ATP6V1E2: variants seen among roughly 807,000 people sequenced by gnomAD.
The protein encoded by ATP6V1E2 is ATPase H+ transporting V1 subunit E2, also known as V-type proton ATPase subunit E 2.
For synonymous variants in ATP6V1E2, 121 were observed against 104.2 expected (o/e 1.16, Z -0.98); for missense variants, 308 against 273.3 (o/e 1.13, Z -0.90).
At chr2:46,529,771 G>GATA (rs147779788) in intron 4 of ATP6V1E2, among the ~76,000 whole-genome samples, 32,861 of 150,526 alleles carry the variant, frequency 0.22, 3,846 homozygotes, top group Admixed American at 0.28. Flanking sequence ...TGATGATGAT[G>GATA]ATGATAATAA....
chr2:46,518,262 G>T lies in ATP6V1E2; in HGVS notation c.-101-5450C>A, dbSNP rs190227589. On this transcript the variant is annotated intron_variant, in intron 4 of 4. Transcript: ENST00000522587. ...AGCCCATGATAGAAGATTAAATACT[G>T]CATGATTCCACTTATGGGATATCTA... 2.7e-3 allele frequency among the ~76,000 whole-genome samples: 414 copies of T among 152,184 alleles called. 1 individual carries two copies. Among genetic ancestry groups the T allele is most frequent in the Non-Finnish European group, 4.5e-3 (308 of 68,010 alleles).
intron 2 of ATP6V1E2, among the ~76,000 whole-genome samples, chr2:46,537,009 C>T (rs1383373899): frequency 2.0e-5 from 3 of 152,164 alleles, no homozygotes; most frequent in Admixed American, 6.5e-5. Flanking sequence ...TCTCAAACTC[C>T]TGACCTCAAC....
At position 46,542,364 on chromosome 2, in the gene ATP6V1E2, G is replaced by C. The variant is rs1362533735; in HGVS notation, c.-521C>G. On this transcript the variant is annotated 5_prime_UTR_variant, in exon 1 of 5. Transcript: ENST00000522587. ...CGTGGAGGTCGTCGTGGTTCCCCGA[G>C]AGGCCTCCACGTCTTCTCCCAGCAT... 6.6e-6 allele frequency: 1 copy of C among 151,700 alleles called. No homozygotes were observed. Among genetic ancestry groups the C allele is most frequent in the Admixed American group, 6.6e-5 (1 of 15,262 alleles). The allele number at this position is 151,700 out of a possible 1,614,324, so 9.4% of individuals were successfully genotyped here. A position where few individuals can be genotyped will look rare whatever the true frequency, so the allele number is the denominator to read the frequency against.
intron 4 of ATP6V1E2, among the ~76,000 whole-genome samples, 160 bp from the exon 5 acceptor site, chr2:46,512,972 C>G (rs1341001663): frequency 6.6e-6 from 1 of 152,138 alleles, no homozygotes; most frequent in African/African-American, 2.4e-5. Flanking sequence ...GAGACTTGAA[C>G]CAGGATCTCC....
At chr2:46,514,574 G>C (rs1299861476) in intron 4 of ATP6V1E2, among the ~76,000 whole-genome samples, 1 of 152,136 alleles carries the variant, frequency 6.6e-6, no homozygotes, top group African/African-American at 2.4e-5. Flanking sequence ...CAGTGAGCTT[G>C]AAGATATAAC....
chr2:46,533,081 ATATATCTAACAT>A (rs1328577407), intron 4 of ATP6V1E2, among the ~76,000 whole-genome samples: 2 of 84,400 alleles, frequency 2.4e-5, no homozygotes, highest in Admixed American at 1.4e-4. Context: ...AATTATATAT[ATATATCTAACAT>A]TATATATCTA....
intron 4 of ATP6V1E2, among the ~76,000 whole-genome samples, chr2:46,529,762 G>GATC (rs1200536845): frequency 1.4e-5 from 2 of 142,324 alleles, no homozygotes; most frequent in Admixed American, 7.3e-5. Flanking sequence ...CTTTAATGAT[G>GATC]ATGATGATGA....
intron 4 of ATP6V1E2, among the ~76,000 whole-genome samples, chr2:46,521,745 C>G (rs752005440): frequency 1.4e-4 from 21 of 152,058 alleles, no homozygotes; most frequent in Non-Finnish European, 2.8e-4. Flanking sequence ...GACTGGAGTG[C>G]AGTGGTGCGA....
intron 4 of ATP6V1E2, among the ~76,000 whole-genome samples, chr2:46,527,034 A>G (rs1666956412): frequency 6.6e-6 from 1 of 152,086 alleles, no homozygotes; most frequent in Non-Finnish European, 1.5e-5. Context: ...CTTTGCCAGT[A>G]CTTGCTGTTT....
At chr2:46,531,128 T>C (rs1022024268) in intron 4 of ATP6V1E2, among the ~76,000 whole-genome samples, 5 of 152,206 alleles carry the variant, frequency 3.3e-5, no homozygotes, top group East Asian at 1.9e-4. Flanking sequence ...CAAAACACTT[T>C]TATCACTCCA....
intron 4 of ATP6V1E2, 35 bp from the exon 5 acceptor site, chr2:46,512,847 C>T (rs1687538386): frequency 4.0e-6 from 3 of 750,936 alleles, no homozygotes; most frequent in South Asian, 3.8e-5. Flanking sequence ...AAGAGAAAGT[C>T]AGAGGCTATA....
chr2:46,540,613 C>CTTTTTTTTT (rs59810518), intron 2 of ATP6V1E2, among the ~76,000 whole-genome samples: 3,312 of 114,758 alleles, frequency 0.029, 237 homozygotes, highest in African/African-American at 0.036. Context: ...TTTTCTGTAA[C>CTTTTTTTTT]TTTTTTTTTT....
chr2:46,541,083 G>C (rs1249209338), intron 2 of ATP6V1E2, among the ~76,000 whole-genome samples: 2 of 152,172 alleles, frequency 1.3e-5, no homozygotes, highest in Non-Finnish European at 2.9e-5. Flanking sequence ...CAAGCTCCTG[G>C]ATAGACCCTC....
chr2:46,513,652 C>T (rs953463281), intron 4 of ATP6V1E2, among the ~76,000 whole-genome samples: 20 of 151,942 alleles, frequency 1.3e-4, no homozygotes, highest in African/African-American at 2.4e-5. Flanking sequence ...GGTGAAACCC[C>T]GTCTCTACTA....
intron 4 of ATP6V1E2, chr2:46,527,929 C>T (rs2103895710): frequency 6.6e-6 from 1 of 152,210 alleles, no homozygotes; most frequent in African/African-American, 2.4e-5. Context: ...CTCTGTGGTC[C>T]TGAGCACTCA....
rs1168395332 is a variant in ATP6V1E2, at chr2:46,535,592, C to T, written c.-102+221G>A. ...ACAGTTGTCACTTCTGAACCAGGAA[C>T]TCAATTATACCACAACCAACACCAC... is the stretch of plus-strand genomic sequence containing the variant. On this transcript the variant is annotated intron_variant, in intron 4 of 4. Transcript: ENST00000522587. This position sits in a 1 kb window ranked among gnomAD's most constrained non-coding sequence, Gnocchi z 4.4. 6.6e-6 allele frequency: 1 copy of T among 152,220 alleles called. No homozygotes were observed. Among genetic ancestry groups the T allele is most frequent in the Non-Finnish European group, 1.5e-5 (1 of 68,042 alleles). 9.4% of individuals were successfully genotyped at this position (152,220 alleles called of 1,614,324 possible). A position where few individuals can be genotyped will look rare whatever the true frequency, so the allele number is the denominator to read the frequency against.
intron 2 of ATP6V1E2, among the ~76,000 whole-genome samples, chr2:46,540,287 T>C (rs531425791): frequency 1.3e-5 from 2 of 152,084 alleles, no homozygotes; most frequent in Admixed American, 6.5e-5. Context: ...CTAGGCATGA[T>C]GGCACATGCC....
rs1667838814 is a variant in ATP6V1E2, at chr2:46,542,495, C to T, written c.-652G>A. 1.3e-5 allele frequency: 2 copies of T among 150,366 alleles called. No homozygotes were observed. The highest frequency in any genetic ancestry group is 4.1e-4 in the South Asian group (2 of 4,830). The allele number at this position is 150,366 out of a possible 1,614,324, so 9.3% of individuals were successfully genotyped here. Reference sequence around the variant, plus strand: ...TCCGCGGTCCTCGGCTCCTCCTCCTCCTGCGCGCCCCTCCGCGCGGCCCTC... The same window carrying T: ...TCCGCGGTCCTCGGCTCCTCCTCCTTCTGCGCGCCCCTCCGCGCGGCCCTC... On this transcript the variant is annotated 5_prime_UTR_variant, in exon 1 of 5. Coordinates refer to ENST00000522587, the MANE Select transcript of ATP6V1E2 (RefSeq NM_001318063.2).
chr2:46,521,084 T>C (rs908842837), intron 4 of ATP6V1E2, among the ~76,000 whole-genome samples: 4 of 152,212 alleles, frequency 2.6e-5, no homozygotes, highest in African/African-American at 9.7e-5. Flanking sequence ...GAAAGGTCTT[T>C]ATTTCATTTT....
Sources: gnomAD v4.1 joint callset for allele counts (sites outside exome capture counted in the v4.1 genomes callset) on GRCh38, gnomAD v4.1.1 for gene constraint, Gnocchi (gnomAD v3.1) non-coding constraint, MANE v1.5 for transcripts, NCBI Gene and HGNC (gene_info 2026-07-23, HGNC 2026-07-21) for gene names.